NNT: variants seen among roughly 807,000 people sequenced by gnomAD.
NNT encodes NAD(P) transhydrogenase, mitochondrial.
NNT carries 50 observed loss-of-function variants against 104.8 expected under a neutral mutation model. That is an observed-to-expected ratio of 0.48 (90% CI 0.38 to 0.60). The LOEUF (loss-of-function observed/expected upper bound fraction) is 0.60. Ranked by LOEUF, NNT falls within the 20% of genes least tolerant of loss-of-function variation. The probability of loss-of-function intolerance (pLI) is 0.00; values close to 1 mark genes in which losing one functional copy is unlikely to be tolerated. For missense variants in NNT, 1,131 were observed against 1,330.7 expected (o/e 0.85, Z 2.33); for synonymous variants, 461 against 490.4 (o/e 0.94, Z 0.79).
At chr5:43,693,711 A>C (rs1158167710) in intron 19 of NNT, among the ~76,000 whole-genome samples, 3 of 152,220 alleles carry the variant, frequency 2.0e-5, no homozygotes, top group Admixed American at 2.0e-4. Flanking sequence ...GAGAATTAAA[A>C]AAAAATTAAC....
At chr5:43,607,106 C>A (rs1286753236) in intron 1 of NNT, among the ~76,000 whole-genome samples, 1 of 151,866 alleles carries the variant, frequency 6.6e-6, no homozygotes, top group Non-Finnish European at 1.5e-5. Context: ...CAAGTTCAAG[C>A]GATTCTGGTG....
At chr5:43,647,138 A>G (rs1739491402) in intron 10 of NNT, among the ~76,000 whole-genome samples, 1 of 152,240 alleles carries the variant, frequency 6.6e-6, no homozygotes. Context: ...ATGTGAGTCC[A>G]GATGTTTTAA....
intron 12 of NNT, 85 bp from the exon 13 acceptor site, chr5:43,651,654 A>C (rs1739771959): frequency 7.0e-7 from 1 of 1,429,608 alleles, no homozygotes. Context: ...TGCTTAAAAC[A>C]GAAAAATTGT....
chr5:43,623,732 A>G (rs1750216821), intron 5 of NNT, among the ~76,000 whole-genome samples: 1 of 152,214 alleles, frequency 6.6e-6, no homozygotes, highest in South Asian at 2.1e-4. Context: ...CAACATACGT[A>G]ATGCTGATCA....
At chr5:43,603,102 G>C (rs1749010872), upstream of NNT, 1 of 152,704 alleles carries the variant, frequency 6.5e-6, no homozygotes, top group Non-Finnish European at 1.5e-5. Flanking sequence ...CGGGAAGAAA[G>C]CTGGGGCGGG....
At chr5:43,661,128 A>C (rs1051067745) in intron 17 of NNT, among the ~76,000 whole-genome samples, 11 of 152,326 alleles carry the variant, frequency 7.2e-5, no homozygotes, top group African/African-American at 2.6e-4. Flanking sequence ...GGGTTTTAAA[A>C]TTAAATAGCC....
Position 43,673,307 on chromosome 5 carries a change from A to G in NNT, c.2635-2204A>G, listed in dbSNP as rs561035963. 2.6e-5 allele frequency among the ~76,000 whole-genome samples: 4 copies of G among 152,248 alleles called. No homozygotes were observed. In the South Asian group the frequency reaches 6.2e-4, roughly 24 times the overall value. On this transcript the variant is annotated intron_variant, in intron 17 of 21. Coordinates refer to ENST00000344920, the MANE Select transcript of NNT (RefSeq NM_182977.3). The stretch of plus-strand genomic sequence containing the variant: ...CCCACTGTCTTGCCCACACTGTCCG[A>G]CAAGCCCCAGCGTGATGAACCCGGT...
At chr5:43,698,081 TACAC>T (rs113357086) in intron 19 of NNT, among the ~76,000 whole-genome samples, 1 of 150,052 alleles carries the variant, frequency 6.7e-6, no homozygotes. Flanking sequence ...TTTGGATATA[TACAC>T]ACACACACAC....
intron 7 of NNT, among the ~76,000 whole-genome samples, chr5:43,637,184 G>C (rs755854727): frequency 2.6e-5 from 4 of 152,106 alleles, no homozygotes; most frequent in African/African-American, 4.8e-5. Context: ...TTTCATATCT[G>C]TGATAAACAG....
At chr5:43,672,279 C>T (rs181541057) in intron 17 of NNT, among the ~76,000 whole-genome samples, 1 of 152,338 alleles carries the variant, frequency 6.6e-6, no homozygotes, top group East Asian at 1.9e-4. Context: ...CTTCTTCTCT[C>T]AACTTGTCAA....
At position 43,656,871 on chromosome 5, in the gene NNT, A is replaced by C. The variant is rs1043018107; in HGVS notation, c.2454+58A>C. 1.7e-5 allele frequency: 26 copies of C among 1,497,640 alleles called. No individual in the cohort carries two copies. In the African/African-American group the frequency reaches 3.6e-4, roughly 21 times the overall value. 92.8% of individuals were successfully genotyped at this position (1,497,640 alleles called of 1,614,324 possible). ...GGTGAAGAACTGGGAATATTTTGTTAGATTAAAGTGTAATCATATTTTTAT... is the reference window on the plus strand; with the variant it reads ...GGTGAAGAACTGGGAATATTTTGTTCGATTAAAGTGTAATCATATTTTTAT... On this transcript the variant is annotated intron_variant, in intron 16 of 21. Coordinates refer to ENST00000344920, the MANE Select transcript of NNT (RefSeq NM_182977.3).
At chr5:43,662,709 A>T (rs1049820561) in intron 17 of NNT, among the ~76,000 whole-genome samples, 9 of 152,302 alleles carry the variant, frequency 5.9e-5, no homozygotes, top group Admixed American at 3.3e-4. Context: ...CCTGGGCAAC[A>T]TGATAAAACC....
chr5:43,666,366 A>G (rs954634279), intron 17 of NNT, among the ~76,000 whole-genome samples: 13 of 152,320 alleles, frequency 8.5e-5, no homozygotes, highest in African/African-American at 3.1e-4. Context: ...CGAGGCTGTC[A>G]GATCACTTGC....
chr5:43,702,703 C>A lies in NNT; in HGVS notation c.3078C>A (p.Gly1026=), dbSNP rs761310991. The A allele has an allele frequency of 6.8e-6, 11 of 1,612,566 alleles. No individual in the cohort carries two copies. The Admixed American group carries it at 1.7e-4, about 24-fold the overall frequency. The change falls in exon 21 of 22, where the codon GGC becomes GGA. Residue 1026 remains glycine (G), a synonymous_variant. Transcript: ENST00000344920. ...AQEDPNSIIA[G]MPVLEVWKSK... The stretch of plus-strand genomic sequence containing the variant: ...AAGATCCCAACTCTATTATTGCAGG[C>A]ATGCCAGTCCTTGAGGTCTGGAAAT...
chr5:43,673,271 G>A lies in NNT; in HGVS notation c.2635-2240G>A, dbSNP rs1359889970. Among the ~76,000 whole-genome samples, 5 of 152,178 alleles carry A rather than the reference G, an allele frequency of 3.3e-5. No individual in the cohort carries two copies. The East Asian group carries it at 9.6e-4, about 29-fold the overall frequency. The stretch of plus-strand genomic sequence containing the variant: ...CCTCGCCCTGCTTTGGCTCACGCTT[G>A]GTGGACTGCACCCACTGTCTTGCCC... On this transcript the variant is annotated intron_variant, in intron 17 of 21. Transcript: ENST00000344920.
At chr5:43,668,979 T>C (rs1386374554) in intron 17 of NNT, among the ~76,000 whole-genome samples, 5 of 152,226 alleles carry the variant, frequency 3.3e-5, no homozygotes, top group African/African-American at 4.8e-5. Flanking sequence ...GTAGTTCTCC[T>C]TGAAGAGGTC....
At chr5:43,666,458 AGC>A (rs1740690127) in intron 17 of NNT, among the ~76,000 whole-genome samples, 1 of 152,264 alleles carries the variant, frequency 6.6e-6, no homozygotes, top group African/African-American at 2.4e-5. Flanking sequence ...CAGGCGTGGC[AGC>A]GCGCGCCTGC....
intron 15 of NNT, 26 bp downstream of exon 15, chr5:43,656,099 G>A: frequency 6.4e-7 from 1 of 1,564,084 alleles, no homozygotes; most frequent in South Asian, 1.1e-5. Flanking sequence ...TAACATAGAG[G>A]TAAATATCTA....
At chr5:43,658,978 G>T (rs1740206092) in intron 16 of NNT, among the ~76,000 whole-genome samples, 193 bp from the exon 17 acceptor site, 1 of 151,950 alleles carries the variant, frequency 6.6e-6, no homozygotes, top group South Asian at 2.1e-4. Flanking sequence ...TTAGGGGGGT[G>T]GGTGGCTCAG....
Sources: gnomAD v4.1 joint callset for allele counts (sites outside exome capture counted in the v4.1 genomes callset) on GRCh38, gnomAD v4.1.1 for gene constraint, MANE v1.5 for transcripts, NCBI Gene and HGNC (gene_info 2026-07-23, HGNC 2026-07-21) for gene names.